The following CCN6 variants were observed in gnomAD, a reference collection of about 807,000 sequenced individuals.
CCN6 encodes the protein cellular communication network factor 6.
CCN6 carries 31 observed loss-of-function variants against 37.4 expected under a neutral mutation model. The ratio of observed to expected loss-of-function variants is 0.83; its 90% CI spans 0.62 to 1.12. The LOEUF is 1.12. Among genes scored for constraint, CCN6 ranks in the 50% most tolerant of loss-of-function variants. CCN6 has a pLI of 0.00. For missense variants in CCN6, 369 were observed against 413.8 expected (o/e 0.89, Z 0.94); for synonymous variants, 137 against 142.1 (o/e 0.96, Z 0.26).
At position 112,061,700 on chromosome 6, in the gene CCN6, C is replaced by T. The variant is rs114092349; in HGVS notation, c.346+412C>T. Among the ~76,000 whole-genome samples, 1,035 of 152,284 alleles carry T rather than the reference C, an allele frequency of 6.8e-3. 9 individuals are homozygous for T. Among genetic ancestry groups the T allele is most frequent in the African/African-American group, 0.021 (884 of 41,554 alleles). On this transcript the variant is annotated intron_variant, in intron 2 of 4. Transcript: ENST00000368666. The stretch of plus-strand genomic sequence containing the variant: ...CTAGAATGTATACCCAGTATTCAGA[C>T]ATACAACTTTAACCTCAGCTTTCCC...
chr6:112,060,896 C>G (rs1292722506), intron 1 of CCN6, 95 bp from the exon 2 acceptor site: 3 of 1,430,378 alleles, frequency 2.1e-6, no homozygotes, highest in Non-Finnish European at 2.9e-6. Flanking sequence ...TAACTCACCA[C>G]TCTGTATACT....
At chr6:112,053,129 A>G (rs1160862865), upstream of CCN6, among the ~76,000 whole-genome samples, 1 of 152,090 alleles carries the variant, frequency 6.6e-6, no homozygotes, top group African/African-American at 2.4e-5. Context: ...GAGAGGGACA[A>G]AGCACCACGG....
intron 1 of CCN6, among the ~76,000 whole-genome samples, chr6:112,055,269 A>G (rs1319362976): frequency 1.3e-5 from 2 of 152,228 alleles, no homozygotes; most frequent in African/African-American, 2.4e-5. Context: ...TCAGTGGTCC[A>G]GGTCATTGCT....
intron 2 of CCN6, among the ~76,000 whole-genome samples, chr6:112,062,077 T>G (rs1320475533): frequency 1.3e-5 from 2 of 152,106 alleles, no homozygotes; most frequent in Non-Finnish European, 2.9e-5. Context: ...GATAGCCTGA[T>G]GCCCCTGCCA....
At chr6:112,068,491 T>A in intron 4 of CCN6, 93 bp downstream of exon 4, 1 of 1,174,308 alleles carries the variant, frequency 8.5e-7, no homozygotes, top group Non-Finnish European at 1.2e-6. Flanking sequence ...GGTGTTTAGT[T>A]CTTAGAAAAA....
At chr6:112,065,588 GCACA>G (rs66974002) in intron 3 of CCN6, among the ~76,000 whole-genome samples, 17 of 107,632 alleles carry the variant, frequency 1.6e-4, no homozygotes, top group East Asian at 2.9e-4. Flanking sequence ...ACACACACAC[GCACA>G]CACACACAAA....
In CCN6 at chr6:112,068,515, T is replaced by G. The variant is rs115114101; in HGVS notation, c.783+117T>G. On this transcript the variant is annotated intron_variant, in intron 4 of 4. Transcript: ENST00000368666. ...TTCTTAGAAAAATAAAAGCATCTCA[T>G]TATAATGCTTAAAGTCAAACTATTT... The G allele has an allele frequency of 1.7e-3, 1,611 of 951,286 alleles. 15 individuals are homozygous for G. The African/African-American group carries it at 0.025, about 15-fold the overall frequency. 58.9% of individuals were successfully genotyped at this position (951,286 alleles called of 1,614,324 possible).
At chr6:112,056,491 G>C (rs1776351951) in intron 1 of CCN6, among the ~76,000 whole-genome samples, 1 of 151,528 alleles carries the variant, frequency 6.6e-6, no homozygotes, top group Non-Finnish European at 1.5e-5. Context: ...TGTATGTAAT[G>C]CTTCCCCCTT....
At chr6:112,055,531 C>A (rs1489288384) in intron 1 of CCN6, among the ~76,000 whole-genome samples, 4 of 152,122 alleles carry the variant, frequency 2.6e-5, no homozygotes, top group Non-Finnish European at 5.9e-5. Flanking sequence ...GCTGATAATA[C>A]CTAGCATTTA....
chr6:112,069,551 T>C lies in CCN6; in HGVS notation c.996T>C (p.Ile332=). 4 of 1,613,750 alleles carry C rather than the reference T, an allele frequency of 2.5e-6. No individual in the cohort carries two copies. Among genetic ancestry groups the C allele is most frequent in the Non-Finnish European group, 3.4e-6 (4 of 1,179,782 alleles). Residue 332 remains isoleucine (I), a synonymous_variant, in exon 5 of 5, where the codon ATT becomes ATC. Coordinates refer to ENST00000368666, the MANE Select transcript of CCN6 (RefSeq NM_198239.2). ...EGSFKWKMLW[I]TSCVCQRNCR... Reference sequence around the variant, plus strand: ...CATTTAAATGGAAGATGCTGTGGATTACATCTTGTGTGTGTCAGAGAAACT... The same window carrying C: ...CATTTAAATGGAAGATGCTGTGGATCACATCTTGTGTGTGTCAGAGAAACT...
At chr6:112,054,633 C>A in intron 1 of CCN6, 1 of 542,226 alleles carries the variant, frequency 1.8e-6, no homozygotes, top group Non-Finnish European at 3.3e-6. Context: ...GTAATGGCAC[C>A]GAAGCCTCCT....
At position 112,064,828 on chromosome 6, in the gene CCN6, G is replaced by A; in HGVS notation, c.420G>A (p.Leu140=). The A allele has an allele frequency of 6.2e-7, 1 of 1,614,090 alleles. No individual in the cohort carries two copies. The highest frequency in any genetic ancestry group is 1.1e-5 in the South Asian group (1 of 91,084). The change falls in exon 3 of 5, where the codon TTG becomes TTA. Residue 140 remains leucine (L), a synonymous_variant. Coordinates refer to ENST00000368666, the MANE Select transcript of CCN6 (RefSeq NM_198239.2). ...GCCAAGTGTTTCAGCCCAACCCCTTGTTCAGCTGCCTCTGTGTGAGTGGGG... is the reference window on the plus strand; with the variant it reads ...GCCAAGTGTTTCAGCCCAACCCCTTATTCAGCTGCCTCTGTGTGAGTGGGG... The part of the protein sequence containing the change: ...HNGQVFQPNP[L]FSCLCVSGAI...
chr6:112,068,555 T>C (rs1172628656), intron 4 of CCN6, among the ~76,000 whole-genome samples, 157 bp downstream of exon 4: 2 of 152,138 alleles, frequency 1.3e-5, no homozygotes, highest in Non-Finnish European at 2.9e-5. Context: ...GGAAAACAGG[T>C]ATTAACTGCA....
At chr6:112,065,716 G>C (rs587656174) in intron 3 of CCN6, among the ~76,000 whole-genome samples, 1 of 152,160 alleles carries the variant, frequency 6.6e-6, no homozygotes, top group South Asian at 2.1e-4. Context: ...GAAAAATGAA[G>C]TGTGATCCTT....
chr6:112,054,458 T>C, intron 1 of CCN6, 53 bp downstream of exon 1: 1 of 1,565,650 alleles, frequency 6.4e-7, no homozygotes, highest in Non-Finnish European at 8.8e-7. Flanking sequence ...CCATCCTTAG[T>C]TCTTCAGGCC....
chr6:112,055,004 A>T (rs1204296820), intron 1 of CCN6: 1 of 159,232 alleles, frequency 6.3e-6, no homozygotes, highest in African/African-American at 2.4e-5. Flanking sequence ...AGTTTAACTT[A>T]CTATGAGCAA....
At chr6:112,053,360 G>T (rs372435276), upstream of CCN6, among the ~76,000 whole-genome samples, 1 of 150,366 alleles carries the variant, frequency 6.7e-6, no homozygotes, top group African/African-American at 2.5e-5. Context: ...GCAATGGTGC[G>T]ATCTCGGCTC....
At chr6:112,062,993 A>G (rs1327578591) in intron 2 of CCN6, among the ~76,000 whole-genome samples, 1 of 152,254 alleles carries the variant, frequency 6.6e-6, no homozygotes, top group Admixed American at 6.5e-5. Context: ...AACCCATTGC[A>G]GATTAATAAG....
chr6:112,060,257 C>T (rs183533268), intron 1 of CCN6, among the ~76,000 whole-genome samples: 131 of 152,160 alleles, frequency 8.6e-4, no homozygotes, highest in Admixed American at 2.0e-3. Context: ...TTCTGGATGT[C>T]AAGTGGACAA....
Sources: gnomAD v4.1 joint callset for allele counts (sites outside exome capture counted in the v4.1 genomes callset) on GRCh38, gnomAD v4.1.1 for gene constraint, MANE v1.5 for transcripts, NCBI Gene and HGNC (gene_info 2026-07-23, HGNC 2026-07-21) for gene names.